The following BOD1 variants were observed in gnomAD, a reference collection of about 807,000 sequenced individuals.
The protein encoded by BOD1 is biorientation of chromosomes in cell division 1, also known as biorientation of chromosomes in cell division protein 1.
In BOD1, 11 loss-of-function variants were observed where a neutral mutation model predicts 15.7. The observed-to-expected ratio is 0.70, with a 90% CI of 0.44 to 1.16. The LOEUF (loss-of-function observed/expected upper bound fraction) is 1.16. BOD1 is among the 50% of genes most tolerant of loss of function. The probability of loss-of-function intolerance (pLI) is 0.00; values close to 1 mark genes in which losing one functional copy is unlikely to be tolerated. For synonymous variants in BOD1, 105 were observed against 103.5 expected, an observed-to-expected ratio of 1.01 and a Z score of -0.09; for missense variants, 182 against 244.5, an observed-to-expected ratio of 0.74 and a Z score of 1.70.
chr5:173,609,318 T>C lies in BOD1; in HGVS notation c.479A>G (p.Gln160Arg). 1 of 1,614,244 alleles carries C rather than the reference T, an allele frequency of 6.2e-7. No homozygotes were observed. ...ERAIHEFLAA[Q>R]KKAAVPAPPP... Reference sequence around the variant, plus strand: ...GGGTGCTGGCACAGCTGCTTTTTTCTGGGCCGCCAGGAACTCATGAATTGC... The same window carrying C: ...GGGTGCTGGCACAGCTGCTTTTTTCCGGGCCGCCAGGAACTCATGAATTGC... Residue 160 changes from glutamine to arginine, a missense_variant, in exon 3 of 4, where the codon CAG becomes CGG. Physicochemically the swap from Gln to Arg is conservative, Grantham distance 43 (BLOSUM62 1). This residue lies in a region of BOD1 where 40 missense variants were observed against 45.3 expected (regional missense o/e 0.88). Coordinates refer to ENST00000311086, the MANE Select transcript of BOD1 (RefSeq NM_138369.3).
Position 173,616,485 on chromosome 5 carries a change from G to A in BOD1, c.-49C>T. 6.4e-7 allele frequency: 1 copy of A among 1,551,934 alleles called. No homozygotes were observed. Among genetic ancestry groups the A allele is most frequent in the Non-Finnish European group, 8.6e-7 (1 of 1,160,458 alleles). On this transcript the variant is annotated 5_prime_UTR_variant, in exon 1 of 4. Coordinates refer to ENST00000311086, the MANE Select transcript of BOD1 (RefSeq NM_138369.3). ...GAGAACGACTATAGCTTCTTCTCCAGGACAGAAGGCCTAGAACGTGTAGAG... is the reference window on the plus strand; with the variant it reads ...GAGAACGACTATAGCTTCTTCTCCAAGACAGAAGGCCTAGAACGTGTAGAG...
At chr5:173,609,752 G>C in intron 2 of BOD1, 1 of 280,738 alleles carries the variant, frequency 3.6e-6, no homozygotes, top group Non-Finnish European at 6.8e-6. Flanking sequence ...GAAAGAGTTT[G>C]ACACGTGTGG....
At chr5:173,612,457 C>T (rs568630297) in intron 2 of BOD1, among the ~76,000 whole-genome samples, 12 of 152,356 alleles carry the variant, frequency 7.9e-5, no homozygotes, top group African/African-American at 2.2e-4. Flanking sequence ...TTCAGTGACA[C>T]TTAACTGCAC....
In BOD1 at chr5:173,616,615, T is replaced by C; in HGVS notation, c.-179A>G. 1 of 1,346,628 alleles carries C rather than the reference T, an allele frequency of 7.4e-7. No homozygotes were observed. Among genetic ancestry groups the C allele is most frequent in the South Asian group, 1.8e-5 (1 of 55,182 alleles). 83.4% of individuals were successfully genotyped at this position (1,346,628 alleles called of 1,614,324 possible). ...GGGCGGCGGCGGCGAAGGCCCCCTC[T>C]GATACAGCAGAGGTTGTGGTGGACG... On this transcript the variant is annotated 5_prime_UTR_variant, in exon 1 of 4. Coordinates refer to ENST00000311086, the MANE Select transcript of BOD1 (RefSeq NM_138369.3).
At chr5:173,612,406 C>T (rs1755378086) in intron 2 of BOD1, among the ~76,000 whole-genome samples, 1 of 152,162 alleles carries the variant, frequency 6.6e-6, no homozygotes, top group Non-Finnish European at 1.5e-5. Context: ...TAGCTCCGTG[C>T]GACTTTACCA....
intron 1 of BOD1, chr5:173,614,930 T>C (rs762391632): frequency 6.6e-6 from 1 of 152,238 alleles, no homozygotes; most frequent in African/African-American, 2.4e-5. Context: ...ACACAAGTAC[T>C]TCCATACCGC....
At chr5:173,609,720 C>G (rs1321791373) in intron 2 of BOD1, 2 of 356,724 alleles carry the variant, frequency 5.6e-6, no homozygotes, top group East Asian at 1.0e-4. Context: ...TCCAAAACAA[C>G]AAACAAATGA....
chr5:173,609,820 C>T (rs750919599), intron 2 of BOD1: 39 of 185,500 alleles, frequency 2.1e-4, no homozygotes, highest in Admixed American at 3.8e-4. Flanking sequence ...GACTCCATTT[C>T]CTTCAACATT....
chr5:173,609,919 T>C (rs1197985420), intron 2 of BOD1, among the ~76,000 whole-genome samples: 1 of 152,230 alleles, frequency 6.6e-6, no homozygotes. Flanking sequence ...CAGTCAGGGC[T>C]GGGAGTATTT....
intron 2 of BOD1, among the ~76,000 whole-genome samples, chr5:173,611,556 A>G (rs1755354240): frequency 6.6e-6 from 1 of 152,174 alleles, no homozygotes; most frequent in East Asian, 1.9e-4. Flanking sequence ...CAACAACTTC[A>G]CAGAGGTGGT....
Position 173,616,516 on chromosome 5 carries a change from G to A in BOD1, c.-80C>T. 2 of 1,477,760 alleles carry A rather than the reference G, an allele frequency of 1.4e-6. No individual in the cohort carries two copies. The highest frequency in any genetic ancestry group is 1.3e-5 in the South Asian group (1 of 76,648). The allele number at this position is 1,477,760 out of a possible 1,614,324, so 91.5% of individuals were successfully genotyped here. On this transcript the variant is annotated 5_prime_UTR_variant, in exon 1 of 4. Transcript: ENST00000311086. The stretch of plus-strand genomic sequence containing the variant: ...AAGGCCTAGAACGTGTAGAGGTGGT[G>A]AAGGGGGCGGTGAAGGAGGAGGGCC...
At chr5:173,616,144 C>A in intron 1 of BOD1, 56 bp downstream of exon 1, 1 of 1,543,314 alleles carries the variant, frequency 6.5e-7, no homozygotes, top group Non-Finnish European at 8.7e-7. Flanking sequence ...TCAAAGCTGC[C>A]ACCCGGCGGC....
At chr5:173,613,075 G>GAGGT in intron 2 of BOD1, 56 bp downstream of exon 2, 1 of 1,519,806 alleles carries the variant, frequency 6.6e-7, no homozygotes, top group East Asian at 2.3e-5. Context: ...CAACCTTCTT[G>GAGGT]TGCATCACAC....
In BOD1 at chr5:173,616,488, C is replaced by T. The variant is rs1393447444; in HGVS notation, c.-52G>A. 1 of 1,549,834 alleles carries T rather than the reference C, an allele frequency of 6.5e-7. No individual in the cohort carries two copies. The highest frequency in any genetic ancestry group is 8.6e-7 in the Non-Finnish European group (1 of 1,159,346). ...AACGACTATAGCTTCTTCTCCAGGA[C>T]AGAAGGCCTAGAACGTGTAGAGGTG... is the stretch of plus-strand genomic sequence containing the variant. On this transcript the variant is annotated 5_prime_UTR_variant, in exon 1 of 4. Transcript: ENST00000311086.
chr5:173,614,278 G>T (rs76496444), intron 1 of BOD1, among the ~76,000 whole-genome samples: 242 of 152,200 alleles, frequency 1.6e-3, no homozygotes, highest in African/African-American at 5.0e-3. Context: ...ATGCCATACC[G>T]TCTACTCAAA....
intron 2 of BOD1, among the ~76,000 whole-genome samples, chr5:173,610,765 C>T (rs1038990153): frequency 6.6e-6 from 1 of 152,200 alleles, no homozygotes; most frequent in Admixed American, 6.5e-5. Context: ...CCCCAGACTT[C>T]CTATGTTGAA....
intron 2 of BOD1, among the ~76,000 whole-genome samples, chr5:173,610,647 G>A (rs1239890278): frequency 6.6e-6 from 1 of 152,174 alleles, no homozygotes; most frequent in Non-Finnish European, 1.5e-5. Context: ...CCTCTCCTCA[G>A]TCACAAGCCA....
intron 2 of BOD1, among the ~76,000 whole-genome samples, chr5:173,610,342 TG>T: frequency 6.6e-6 from 1 of 152,284 alleles, no homozygotes; most frequent in South Asian, 2.1e-4. Context: ...AGTGGGCAAA[TG>T]GTCTGTCAGG....
chr5:173,615,981 G>A (rs193089261), intron 1 of BOD1, among the ~76,000 whole-genome samples: 1 of 152,334 alleles, frequency 6.6e-6, no homozygotes, highest in African/African-American at 2.4e-5. Context: ...GTTCGGAGAA[G>A]GGACTGGGTA....
Sources: allele counts gnomAD v4.1 joint callset (sites outside exome capture counted in the v4.1 genomes callset), GRCh38; gene constraint gnomAD v4.1.1; regional missense constraint gnomAD v4.1.1; transcripts MANE v1.5; gene names NCBI Gene and HGNC (gene_info 2026-07-23, HGNC 2026-07-21).